Variants in ASPRV1 observed in about 807,000 individuals in gnomAD.
The protein encoded by ASPRV1 is aspartic peptidase retroviral like 1.
ASPRV1 carries 7 observed loss-of-function variants against 11.0 expected under a neutral mutation model. The ratio of observed to expected loss-of-function variants is 0.64; its 90% CI spans 0.36 to 1.20. The LOEUF (loss-of-function observed/expected upper bound fraction) is 1.20. Among genes scored for constraint, ASPRV1 ranks in the 50% most tolerant of loss-of-function variants. The pLI is 0.02. For synonymous variants in ASPRV1, 136 were observed against 138.4 expected (o/e 0.98, Z 0.12); for missense variants, 299 against 320.0 (o/e 0.93, Z 0.50).
the ASPRV1 span, among the ~76,000 whole-genome samples, chr2:70,002,288 G>A: frequency 6.6e-6 from 1 of 152,164 alleles, no homozygotes; most frequent in African/African-American, 2.4e-5. Context: ...TTGTGCTGCT[G>A]TTTTAACTTT....
At chr2:70,035,554 G>A in the ASPRV1 span, among the ~76,000 whole-genome samples, 3 of 151,440 alleles carry the variant, frequency 2.0e-5, no homozygotes, top group African/African-American at 7.3e-5. Context: ...CAAGCACTGA[G>A]GTGCAAGATG....
the ASPRV1 span, among the ~76,000 whole-genome samples, chr2:70,001,916 T>C: frequency 2.0e-5 from 3 of 152,120 alleles, no homozygotes; most frequent in East Asian, 1.9e-4. Context: ...AAAAATTTCA[T>C]TGACAAGAAA....
At chr2:70,004,236 T>C in the ASPRV1 span, among the ~76,000 whole-genome samples, 2 of 152,060 alleles carry the variant, frequency 1.3e-5, no homozygotes, top group Admixed American at 1.3e-4. Flanking sequence ...TCCTTGTTTT[T>C]AAGAGGTGGG....
chr2:70,075,224 T>G, the ASPRV1 span: 1 of 147,510 alleles, frequency 6.8e-6, no homozygotes. Context: ...TTCTCCTGCC[T>G]CAGCCTCCCG....
the ASPRV1 span, among the ~76,000 whole-genome samples, chr2:69,982,922 T>G: frequency 3.9e-4 from 58 of 147,634 alleles, no homozygotes; most frequent in East Asian, 0.012. Flanking sequence ...ACCCTGAGTA[T>G]TTATTTATTT....
chr2:70,005,594 C>T, the ASPRV1 span, among the ~76,000 whole-genome samples: 1 of 152,268 alleles, frequency 6.6e-6, no homozygotes, highest in East Asian at 1.9e-4. Flanking sequence ...GTCCAACTTG[C>T]TCAGTTAAAT....
chr2:70,004,618 TTTG>T, the ASPRV1 span, among the ~76,000 whole-genome samples: 1 of 152,012 alleles, frequency 6.6e-6, no homozygotes, highest in East Asian at 1.9e-4. Context: ...CACATCAGTA[TTTG>T]GTAAGAAGAT....
chr2:70,036,274 G>A, the ASPRV1 span, among the ~76,000 whole-genome samples: 2 of 152,032 alleles, frequency 1.3e-5, no homozygotes, highest in African/African-American at 4.8e-5. Context: ...AAGAGCCATT[G>A]TAGGCTCTTG....
chr2:70,013,370 A>G, the ASPRV1 span, among the ~76,000 whole-genome samples: 1 of 152,210 alleles, frequency 6.6e-6, no homozygotes, highest in African/African-American at 2.4e-5. Context: ...ATGATCTAAA[A>G]AGGTTATTAA....
chr2:70,049,703 A>C, the ASPRV1 span: 1 of 152,224 alleles, frequency 6.6e-6, no homozygotes, highest in African/African-American at 2.4e-5. Flanking sequence ...GAGCCAGCCA[A>C]GAAGCTGTAG....
the ASPRV1 span, among the ~76,000 whole-genome samples, chr2:69,953,434 G>C: frequency 1.3e-5 from 2 of 152,230 alleles, no homozygotes; most frequent in African/African-American, 4.8e-5. Flanking sequence ...GCCTCCTTGT[G>C]CCCGTGCATG....
At chr2:70,056,194 G>C in the ASPRV1 span, 1 of 152,160 alleles carries the variant, frequency 6.6e-6, no homozygotes, top group African/African-American at 2.4e-5. Flanking sequence ...AGGAGGGGTA[G>C]GGCAAGAAGA....
At chr2:69,972,065 C>T in the ASPRV1 span, among the ~76,000 whole-genome samples, 2 of 151,808 alleles carry the variant, frequency 1.3e-5, no homozygotes, top group African/African-American at 4.8e-5. Context: ...GTTTTCTTTA[C>T]CATTTTTTTT....
the ASPRV1 span, chr2:70,014,681 T>C: frequency 6.6e-6 from 1 of 150,682 alleles, no homozygotes; most frequent in African/African-American, 2.4e-5. Context: ...GTGTCTATAG[T>C]CCCAGCTATT....
the ASPRV1 span, among the ~76,000 whole-genome samples, chr2:69,980,863 C>T: frequency 6.6e-6 from 1 of 152,186 alleles, no homozygotes; most frequent in Non-Finnish European, 1.5e-5. Context: ...GCAATCTCCC[C>T]CTCCTGGATT....
the ASPRV1 span, among the ~76,000 whole-genome samples, chr2:70,010,610 T>C: frequency 6.6e-6 from 1 of 152,206 alleles, no homozygotes; most frequent in East Asian, 1.9e-4. Flanking sequence ...ACAAGAGAAG[T>C]ATTTAACAGG....
At chr2:69,963,833 C>G (rs1005512603), upstream of ASPRV1, among the ~76,000 whole-genome samples, 1 of 152,114 alleles carries the variant, frequency 6.6e-6, no homozygotes, top group Non-Finnish European at 1.5e-5. Context: ...GGCTTTCCAG[C>G]GGCCAGAGAA....
At chr2:69,967,148 A>G in the ASPRV1 span, among the ~76,000 whole-genome samples, 1 of 152,206 alleles carries the variant, frequency 6.6e-6, no homozygotes, top group African/African-American at 2.4e-5. Context: ...TCAATTCCAT[A>G]CATACTTACT....
At chr2:70,013,086 T>C in the ASPRV1 span, among the ~76,000 whole-genome samples, 136 of 152,358 alleles carry the variant, frequency 8.9e-4, no homozygotes, top group African/African-American at 3.1e-3. Context: ...CTGACAAATA[T>C]GTTTTTGATA....
Sources: gnomAD v4.1 joint callset for allele counts (sites outside exome capture counted in the v4.1 genomes callset) on GRCh38, gnomAD v4.1.1 for gene constraint, MANE v1.5 for transcripts, NCBI Gene and HGNC (gene_info 2026-07-23, HGNC 2026-07-21) for gene names.